Variants in RIGI observed in about 807,000 individuals in gnomAD.
RIGI encodes the protein RNA sensor RIG-I, also known as antiviral innate immune response receptor RIG-I.
the RIGI span, among the ~76,000 whole-genome samples, chr9:32,460,707 A>G: frequency 6.6e-6 from 1 of 152,182 alleles, no homozygotes. Flanking sequence ...AGGGACAAAG[A>G]AAAGAGTCAG....
chr9:32,474,000 C>G, the RIGI span, among the ~76,000 whole-genome samples: 1 of 151,992 alleles, frequency 6.6e-6, no homozygotes, highest in Non-Finnish European at 1.5e-5. Context: ...TGCACTCCGG[C>G]CTGGGTGACA....
At chr9:32,483,983 A>C in the RIGI span, among the ~76,000 whole-genome samples, 2 of 152,166 alleles carry the variant, frequency 1.3e-5, no homozygotes, top group Middle Eastern at 3.2e-3. Flanking sequence ...GCTGTATCTT[A>C]GGGTTCATGC....
At chr9:32,517,166 T>C in the RIGI span, among the ~76,000 whole-genome samples, 1 of 152,210 alleles carries the variant, frequency 6.6e-6, no homozygotes, top group Admixed American at 6.5e-5. Flanking sequence ...GTAGTGCTGT[T>C]TGGCCCCAGG....
the RIGI span, among the ~76,000 whole-genome samples, chr9:32,463,773 G>A: frequency 1.3e-5 from 2 of 151,518 alleles, no homozygotes; most frequent in African/African-American, 4.8e-5. Context: ...TCTTAATTAT[G>A]TGTAGTCATG....
At chr9:32,488,221 T>C in the RIGI span, 43 of 1,611,182 alleles carry the variant, frequency 2.7e-5, no homozygotes, top group South Asian at 4.2e-4. Context: ...ATGACAGAAA[T>C]TCCATATTAC....
the RIGI span, among the ~76,000 whole-genome samples, chr9:32,521,161 A>AAAAAAAAAAAAAAC: frequency 2.0e-5 from 3 of 150,742 alleles, no homozygotes; most frequent in Admixed American, 6.6e-5. Context: ...AAAAAAAAAA[A>AAAAAAAAAAAAAAC]ACTTCACAGA....
chr9:32,506,094 C>G, the RIGI span, among the ~76,000 whole-genome samples: 2 of 151,948 alleles, frequency 1.3e-5, no homozygotes, highest in Non-Finnish European at 2.9e-5. Context: ...GGCTTGCACC[C>G]GTAATCCCAG....
chr9:32,457,910 A>C, the RIGI span, among the ~76,000 whole-genome samples: 4 of 152,224 alleles, frequency 2.6e-5, no homozygotes, highest in African/African-American at 9.7e-5. Flanking sequence ...ACAAATGCAG[A>C]TCCAACATAC....
the RIGI span, chr9:32,491,288 C>A: frequency 1.2e-6 from 2 of 1,612,572 alleles, no homozygotes; most frequent in Non-Finnish European, 1.7e-6. Flanking sequence ...AAAGGACAAA[C>A]AATACCAGGT....
At chr9:32,462,946 C>T in the RIGI span, among the ~76,000 whole-genome samples, 1 of 152,090 alleles carries the variant, frequency 6.6e-6, no homozygotes, top group African/African-American at 2.4e-5. Flanking sequence ...TCACTTGAGT[C>T]CAGAGTTCAA....
At chr9:32,487,463 C>G in the RIGI span, 1 of 1,613,160 alleles carries the variant, frequency 6.2e-7, no homozygotes, top group South Asian at 1.1e-5. Flanking sequence ...TTATTGGATC[C>G]AACTTACACT....
At chr9:32,470,895 A>C in the RIGI span, among the ~76,000 whole-genome samples, 6 of 152,250 alleles carry the variant, frequency 3.9e-5, no homozygotes, top group African/African-American at 1.4e-4. Flanking sequence ...AAAGCTATAG[A>C]GTTCACACTG....
chr9:32,477,942 A>C, the RIGI span, among the ~76,000 whole-genome samples: 1 of 152,268 alleles, frequency 6.6e-6, no homozygotes, highest in South Asian at 2.1e-4. Context: ...AGGAAAAAGA[A>C]AAAAAATACA....
the RIGI span, among the ~76,000 whole-genome samples, chr9:32,505,578 G>A: frequency 6.6e-6 from 1 of 152,036 alleles, no homozygotes; most frequent in Non-Finnish European, 1.5e-5. Flanking sequence ...TTTGTTAAAT[G>A]TATGACTATC....
chr9:32,509,030 A>G, the RIGI span, among the ~76,000 whole-genome samples: 1 of 152,120 alleles, frequency 6.6e-6, no homozygotes, highest in Non-Finnish European at 1.5e-5. Context: ...CAAAGCCACT[A>G]TAGCTAGACT....
the RIGI span, among the ~76,000 whole-genome samples, chr9:32,476,612 C>T: frequency 6.7e-6 from 1 of 150,010 alleles, no homozygotes; most frequent in Non-Finnish European, 1.5e-5. Flanking sequence ...CACACATACA[C>T]ATATATGGTT....
At chr9:32,467,271 T>C in the RIGI span, among the ~76,000 whole-genome samples, 4,059 of 152,238 alleles carry the variant, frequency 0.027, 195 homozygotes, top group African/African-American at 0.094. Flanking sequence ...GAACCACTGG[T>C]GTTTCAATAC....
chr9:32,497,049 A>T, the RIGI span, among the ~76,000 whole-genome samples: 1 of 152,204 alleles, frequency 6.6e-6, no homozygotes, highest in Non-Finnish European at 1.5e-5. Context: ...GAGATTCTCT[A>T]TAAATTTTGG....
At chr9:32,493,092 A>G in the RIGI span, among the ~76,000 whole-genome samples, 4 of 152,222 alleles carry the variant, frequency 2.6e-5, no homozygotes, top group African/African-American at 9.6e-5. Context: ...AGATATTCAG[A>G]GAAACTAAGT....
Sources: allele counts gnomAD v4.1 joint callset (sites outside exome capture counted in the v4.1 genomes callset), GRCh38; gene constraint gnomAD v4.1.1; transcripts MANE v1.5; gene names NCBI Gene and HGNC (gene_info 2026-07-23, HGNC 2026-07-21).